The following FCGR2B variants were observed in gnomAD, a reference collection of about 807,000 sequenced individuals.
FCGR2B encodes the protein Fc gamma receptor IIb, also known as low affinity immunoglobulin gamma Fc region receptor II-b.
In FCGR2B, 18 loss-of-function variants were observed where a neutral mutation model predicts 24.8. That is an observed-to-expected ratio of 0.73 (90% confidence interval 0.50 to 1.08). The LOEUF (loss-of-function observed/expected upper bound fraction) is 1.08. FCGR2B is among the 50% of genes least tolerant of loss of function. The probability of loss-of-function intolerance (pLI) is 0.00; values close to 1 mark genes in which losing one functional copy is unlikely to be tolerated. For missense variants in FCGR2B, 215 were observed against 297.6 expected (o/e 0.72, Z 2.04); for synonymous variants, 79 against 109.8 (o/e 0.72, Z 1.75).
In FCGR2B at chr1:161,677,529, G is replaced by A. The variant is rs1682253098; in HGVS notation, c.909G>A (p.Glu303=). ...TCATGCACCCGGATGCTCTGGAAGA[G>A]CCTGATGACCAGAACCGTATTTAGT... ...SLLMHPDALE[E]PDDQNRI Residue 303 remains glutamate (E), a synonymous_variant, in exon 8 of 8, where the codon GAG becomes GAA. Coordinates refer to ENST00000358671, the MANE Select transcript of FCGR2B (RefSeq NM_001394477.1). 1.2e-6 allele frequency: 2 copies of A among 1,613,764 alleles called. No individual in the cohort carries two copies. Among genetic ancestry groups the A allele is most frequent in the Non-Finnish European group, 1.7e-6 (2 of 1,179,746 alleles).
intron 3 of FCGR2B, 25 bp downstream of exon 3, chr1:161,671,674 G>T: frequency 6.2e-7 from 1 of 1,611,532 alleles, no homozygotes; most frequent in Non-Finnish European, 8.5e-7. Context: ...GCCCCAGGGT[G>T]GACCTGGGAG....
In FCGR2B at chr1:161,671,541, A is replaced by G. The variant is rs1447413334; in HGVS notation, c.283A>G (p.Thr95Ala). 4 of 1,614,194 alleles carry G rather than the reference A, an allele frequency of 2.5e-6. No homozygotes were observed. The highest frequency in any genetic ancestry group is 1.3e-5 in the African/African-American group (1 of 75,038). ...CAATGGGAATCTCATTCCCACCCAC[A>G]CGCAGCCCAGCTACAGGTTCAAGGC... ...FHNGNLIPTH[T>A]QPSYRFKANN... Residue 95 changes from threonine (T) to alanine (A), a missense_variant, in exon 3 of 8, where the codon ACG becomes GCG. Transcript: ENST00000358671.
chr1:161,678,606 C>T lies in FCGR2B; in HGVS notation c.*1053C>T, dbSNP rs1682325339. ...TGACCTTGTATTCTTGTTTCCATGT[C>T]TTCTTCTCTTTCCTCCTATGGCAAA... is the stretch of plus-strand genomic sequence containing the variant. On this transcript the variant is annotated 3_prime_UTR_variant, in exon 8 of 8. Transcript: ENST00000358671. 2 of 207,734 alleles carry T rather than the reference C, an allele frequency of 9.6e-6. No individual in the cohort carries two copies. Among genetic ancestry groups the T allele is most frequent in the South Asian group, 1.9e-4 (1 of 5,336 alleles). The allele number at this position is 207,734 out of a possible 1,614,324, so 12.9% of individuals were successfully genotyped here.
the FCGR2B span, among the ~76,000 whole-genome samples, chr1:161,649,657 G>A: frequency 6.6e-6 from 1 of 150,420 alleles, no homozygotes; most frequent in Non-Finnish European, 1.5e-5. Flanking sequence ...CATCTAAGAA[G>A]CAGAGAGCGA....
chr1:161,671,857 A>C lies in FCGR2B; in HGVS notation c.391+208A>C, dbSNP rs886639283. 3 of 956,452 alleles carry C rather than the reference A, an allele frequency of 3.1e-6. No individual in the cohort carries two copies. The African/African-American group carries it at 5.0e-5, about 16-fold the overall frequency. 59.2% of individuals were successfully genotyped at this position (956,452 alleles called of 1,614,324 possible). On this transcript the variant is annotated intron_variant, in intron 3 of 7. Coordinates refer to ENST00000358671, the MANE Select transcript of FCGR2B (RefSeq NM_001394477.1). ...GGCCAAAAACAGGCAGCCAAGTGTG[A>C]GAGAAGCAGAAGGAAATCCCTACTG...
chr1:161,650,199 G>A, the FCGR2B span, among the ~76,000 whole-genome samples: 1 of 147,278 alleles, frequency 6.8e-6, no homozygotes, highest in African/African-American at 2.5e-5. Context: ...ATGGGGTTTT[G>A]CCAAGTTGGC....
upstream of FCGR2B, among the ~76,000 whole-genome samples, chr1:161,661,247 AAAGAAAGAAAGAAAGGAAGG>A (rs1557895216): frequency 3.1e-4 from 20 of 65,030 alleles, 4 homozygotes; most frequent in South Asian, 4.3e-4. Context: ...AGAAAGAAAG[AAAGAAAGAAAGAAAGGAAGG>A]AAGCAAGAAA....
chr1:161,676,242 G>A (rs924303352), intron 6 of FCGR2B: 8 of 217,870 alleles, frequency 3.7e-5, no homozygotes, highest in African/African-American at 1.6e-4. Context: ...TCAGATGGCT[G>A]GAGTATGATT....
At chr1:161,648,515 C>T in the FCGR2B span, among the ~76,000 whole-genome samples, 2,419 of 150,302 alleles carry the variant, frequency 0.016, 146 homozygotes, top group African/African-American at 0.056. Context: ...TTTGGATATC[C>T]TTTTTTATGA....
At chr1:161,661,258 GAAA>G (rs1681069097), upstream of FCGR2B, among the ~76,000 whole-genome samples, 2 of 31,288 alleles carry the variant, frequency 6.4e-5, no homozygotes, top group South Asian at 1.0e-3. Context: ...AAGAAAGAAA[GAAA>G]GGAAGGAAGC....
the FCGR2B span, among the ~76,000 whole-genome samples, chr1:161,652,717 G>C: frequency 9.6e-5 from 13 of 134,972 alleles, 4 homozygotes; most frequent in Non-Finnish European, 2.2e-4. Context: ...ATGTAGGACA[G>C]TAGGGACTGA....
At chr1:161,649,885 T>G in the FCGR2B span, among the ~76,000 whole-genome samples, 147 of 150,402 alleles carry the variant, frequency 9.8e-4, 6 homozygotes, top group Admixed American at 1.8e-3. Flanking sequence ...TGCAAGAACT[T>G]TATTGATTGG....
rs142007051 is a variant in FCGR2B at position 161,677,883 on chromosome 1, G to A, written c.*330G>A. 4.6e-5 allele frequency: 14 copies of A among 306,498 alleles called. No individual in the cohort carries two copies. Among genetic ancestry groups the A allele is most frequent in the African/African-American group, 6.4e-5 (3 of 46,764 alleles). 19.0% of individuals were successfully genotyped at this position (306,498 alleles called of 1,614,324 possible). On this transcript the variant is annotated 3_prime_UTR_variant, in exon 8 of 8. Transcript: ENST00000358671. Reference sequence around the variant, plus strand: ...GGGAAATGCTTATGTTACAGGTTACGTGAGAACAATCATGTAAATCTATAT... The same window carrying A: ...GGGAAATGCTTATGTTACAGGTTACATGAGAACAATCATGTAAATCTATAT...
intron 6 of FCGR2B, 100 bp from the exon 7 acceptor site, chr1:161,677,228 T>G: frequency 8.8e-7 from 1 of 1,142,638 alleles, no homozygotes; most frequent in South Asian, 1.2e-5. Context: ...GTGCTTGCTT[T>G]GGCTCTAGTT....
In FCGR2B at chr1:161,671,664, G is replaced by T. The variant is rs371667102; in HGVS notation, c.391+15G>T. On this transcript the variant is annotated intron_variant, in intron 3 of 7. Coordinates refer to ENST00000358671, the MANE Select transcript of FCGR2B (RefSeq NM_001394477.1). ...TGTGCTTTCTGGTCAGTGGAGGAAGGCCCCAGGGTGGACCTGGGAGGGCCA... is the reference window on the plus strand; with the variant it reads ...TGTGCTTTCTGGTCAGTGGAGGAAGTCCCCAGGGTGGACCTGGGAGGGCCA... The T allele has an allele frequency of 6.3e-5, 102 of 1,612,142 alleles. No homozygotes were observed. In the African/African-American group the frequency reaches 1.0e-3, roughly 16 times the overall value.
At chr1:161,675,842 A>G (rs1276285467) in intron 6 of FCGR2B, 4 of 234,036 alleles carry the variant, frequency 1.7e-5, no homozygotes, top group African/African-American at 2.2e-5. Flanking sequence ...ATTCTGGGGG[A>G]CTAGGGGCAC....
chr1:161,676,181 T>C lies in FCGR2B; in HGVS notation c.817+868T>C, dbSNP rs1167274544. 5 of 227,116 alleles carry C rather than the reference T, an allele frequency of 2.2e-5. No homozygotes were observed. The East Asian group carries it at 2.5e-4, about 11-fold the overall frequency. The allele number at this position is 227,116 out of a possible 1,614,324, so 14.1% of individuals were successfully genotyped here. A position where few individuals can be genotyped will look rare whatever the true frequency, so the allele number is the denominator to read the frequency against. ...GGAAACCAGTGCTTTCTCTGGGGGC[T>C]TCCATGACAGTAAGAACAGGCAGAA... On this transcript the variant is annotated intron_variant, in intron 6 of 7. Transcript: ENST00000358671.
At chr1:161,674,997 G>T in intron 5 of FCGR2B, 1 of 444,624 alleles carries the variant, frequency 2.2e-6, no homozygotes. Context: ...AAAAGGCAGA[G>T]CAAGCCTCAG....
At chr1:161,647,838 G>T in the FCGR2B span, among the ~76,000 whole-genome samples, 4 of 150,922 alleles carry the variant, frequency 2.7e-5, no homozygotes, top group Non-Finnish European at 5.9e-5. Context: ...TCAGGTCAAG[G>T]TACCCAAAAT....
Sources: gnomAD v4.1 joint callset for allele counts (sites outside exome capture counted in the v4.1 genomes callset) on GRCh38, gnomAD v4.1.1 for gene constraint, MANE v1.5 for transcripts, NCBI Gene and HGNC (gene_info 2026-07-23, HGNC 2026-07-21) for gene names.